CCDC171: variants seen among roughly 807,000 people sequenced by gnomAD.
CCDC171 encodes coiled-coil domain-containing protein 171.
A neutral mutation model predicts 168.2 loss-of-function variants in CCDC171; 177 were observed. The observed-to-expected ratio is 1.05, with a 90% CI of 0.93 to 1.19. CCDC171 has a LOEUF of 1.19. Among genes scored for constraint, CCDC171 ranks in the 50% most tolerant of loss-of-function variants. The pLI is 0.00. For synonymous variants in CCDC171, 687 were observed against 540.8 expected (o/e 1.27, Z -3.75); for missense variants, 1,991 against 1,539.0 (o/e 1.29, Z -4.91).
At chr9:16,031,266 T>C (rs965691785) in intron 6 of CCDC171, among the ~76,000 whole-genome samples, 3 of 152,204 alleles carry the variant, frequency 2.0e-5, no homozygotes, top group African/African-American at 7.2e-5. Context: ...TTCTATGGGA[T>C]AACATGCTAC....
At chr9:15,601,459 G>A (rs548856122) in intron 6 of CCDC171, among the ~76,000 whole-genome samples, 4 of 152,232 alleles carry the variant, frequency 2.6e-5, no homozygotes, top group Admixed American at 1.3e-4. Flanking sequence ...GTACAACCAC[G>A]CTTTAGACCT....
At chr9:15,714,318 TCTATA>T (rs1375714925) in intron 11 of CCDC171, among the ~76,000 whole-genome samples, 6 of 152,314 alleles carry the variant, frequency 3.9e-5, no homozygotes, top group African/African-American at 1.4e-4. Context: ...TATCCCTCAC[TCTATA>T]GGTCAGGTAA....
chr9:15,747,273 AT>A (rs897115748), intron 18 of CCDC171, among the ~76,000 whole-genome samples: 15 of 152,202 alleles, frequency 9.9e-5, no homozygotes, highest in African/African-American at 3.4e-4. Flanking sequence ...TAAAACCCTC[AT>A]CTTCCTGGGA....
intron 8 of CCDC171, among the ~76,000 whole-genome samples, chr9:16,036,526 C>T (rs1346492098): frequency 6.6e-6 from 1 of 152,182 alleles, no homozygotes; most frequent in Non-Finnish European, 1.5e-5. Context: ...TGCCTGTAGT[C>T]CCAGCTACTC....
chr9:15,650,399 A>T (rs1321581349), intron 7 of CCDC171, among the ~76,000 whole-genome samples: 2 of 152,008 alleles, frequency 1.3e-5, no homozygotes, highest in African/African-American at 2.4e-5. Context: ...AAAGTATAAT[A>T]AAAAAAAGAA....
At chr9:15,644,574 A>C (rs1038461147) in intron 7 of CCDC171, among the ~76,000 whole-genome samples, 1 of 152,174 alleles carries the variant, frequency 6.6e-6, no homozygotes, top group African/African-American at 2.4e-5. Context: ...GGTCTTAGCA[A>C]ACGGAACACC....
chr9:15,679,372 C>G (rs1485630660), intron 10 of CCDC171, among the ~76,000 whole-genome samples: 1 of 152,168 alleles, frequency 6.6e-6, no homozygotes, highest in African/African-American at 2.4e-5. Flanking sequence ...TTATTTAAAA[C>G]TCATCAGCAT....
intron 3 of CCDC171, among the ~76,000 whole-genome samples, chr9:15,990,435 T>C (rs1365525717): frequency 6.6e-6 from 1 of 152,046 alleles, no homozygotes; most frequent in African/African-American, 2.4e-5. Flanking sequence ...GCACTAAACA[T>C]GGAAAGGAAC....
the CCDC171 span, among the ~76,000 whole-genome samples, chr9:16,095,869 C>CATAT: frequency 0.047 from 5,750 of 123,538 alleles, 176 homozygotes; most frequent in East Asian, 0.16. Flanking sequence ...CACATAGGCA[C>CATAT]ATATATATAT....
At chr9:15,913,507 G>A (rs907585775) in intron 24 of CCDC171, among the ~76,000 whole-genome samples, 6 of 152,112 alleles carry the variant, frequency 3.9e-5, no homozygotes, top group African/African-American at 1.4e-4. Context: ...TTTTTGAAGA[G>A]TTTTTTGTGT....
chr9:15,964,285 G>A (rs912199011), intron 25 of CCDC171, among the ~76,000 whole-genome samples: 2 of 152,058 alleles, frequency 1.3e-5, no homozygotes, highest in African/African-American at 4.8e-5. Flanking sequence ...AAAATTACTT[G>A]TATGGGGATT....
At chr9:15,744,075 A>G (rs989973451) in intron 16 of CCDC171, among the ~76,000 whole-genome samples, 198 bp from the exon 17 acceptor site, 2 of 152,254 alleles carry the variant, frequency 1.3e-5, no homozygotes, top group Admixed American at 6.5e-5. Context: ...TTAAAAATCA[A>G]TGTGCACATT....
At chr9:15,664,130 G>C (rs1367476764) in intron 8 of CCDC171, among the ~76,000 whole-genome samples, 1 of 152,170 alleles carries the variant, frequency 6.6e-6, no homozygotes, top group Non-Finnish European at 1.5e-5. Context: ...TGGAAATGGG[G>C]TTGAGGGATG....
the CCDC171 span, among the ~76,000 whole-genome samples, chr9:16,072,240 G>A: frequency 1.2e-4 from 18 of 152,238 alleles, no homozygotes; most frequent in Non-Finnish European, 2.2e-4. Flanking sequence ...CTGCTATTGG[G>A]TAGAAAGCTT....
intron 3 of CCDC171, among the ~76,000 whole-genome samples, chr9:15,573,427 A>G (rs1472499719): frequency 6.6e-6 from 1 of 151,974 alleles, no homozygotes; most frequent in African/African-American, 2.4e-5. Context: ...GACTACAGGC[A>G]CGTGCCACCA....
rs147240397 is a variant in CCDC171, at chr9:15,889,737, C to G, written c.3600+15074C>G. Among the ~76,000 whole-genome samples, 272 of 152,296 alleles carry G rather than the reference C, an allele frequency of 1.8e-3. 2 individuals carry two copies. The highest frequency in any genetic ancestry group is 6.1e-3 in the African/African-American group (252 of 41,566). On this transcript the variant is annotated intron_variant, in intron 24 of 25. Transcript: ENST00000380701. The stretch of plus-strand genomic sequence containing the variant: ...ATGAAATGCCTTGACACATAACTTA[C>G]TTATCTTTTCTTACTCAACATTCTA...
intron 3 of CCDC171, among the ~76,000 whole-genome samples, chr9:15,576,657 C>G (rs1365333333): frequency 6.6e-6 from 1 of 152,198 alleles, no homozygotes; most frequent in African/African-American, 2.4e-5. Context: ...ATGTCGAATT[C>G]AATTTTCAGT....
intron 24 of CCDC171, among the ~76,000 whole-genome samples, chr9:15,892,263 C>A (rs1820313219): frequency 6.6e-6 from 1 of 152,144 alleles, no homozygotes; most frequent in Admixed American, 6.6e-5. Context: ...TGAGAGAGGG[C>A]AGCCTTGACT....
chr9:15,910,172 G>GCACACA (rs60923477), intron 24 of CCDC171, among the ~76,000 whole-genome samples: 2 of 150,808 alleles, frequency 1.3e-5, no homozygotes, highest in Admixed American at 6.6e-5. Flanking sequence ...GTATATATGT[G>GCACACA]CACACACACA....
Sources: gnomAD v4.1 joint callset for allele counts (sites outside exome capture counted in the v4.1 genomes callset) on GRCh38, gnomAD v4.1.1 for gene constraint, MANE v1.5 for transcripts, NCBI Gene and HGNC (gene_info 2026-07-23, HGNC 2026-07-21) for gene names.